The following NRCAM variants were observed in gnomAD, a reference collection of about 807,000 sequenced individuals.
NRCAM encodes the protein neuronal cell adhesion molecule, also known as NgCAM-related cell adhesion molecule.
A neutral mutation model predicts 156.5 loss-of-function variants in NRCAM; 83 were observed. That is an observed-to-expected ratio of 0.53 (90% confidence interval 0.44 to 0.64). The LOEUF is 0.64. NRCAM is among the 30% of genes least tolerant of loss of function. The pLI is 0.00. For synonymous variants in NRCAM, 538 were observed against 563.9 expected (o/e 0.95, Z 0.65); for missense variants, 1,417 against 1,597.3 (o/e 0.89, Z 1.92).
At chr7:108,362,181 G>C (rs2099556863) in intron 2 of NRCAM, among the ~76,000 whole-genome samples, 1 of 152,150 alleles carries the variant, frequency 6.6e-6, no homozygotes, top group Non-Finnish European at 1.5e-5. Flanking sequence ...CCAGATCAAA[G>C]CCTGGCAGAT....
chr7:108,452,414 G>C (rs1018219313), intron 1 of NRCAM, among the ~76,000 whole-genome samples: 2 of 152,048 alleles, frequency 1.3e-5, no homozygotes, highest in Non-Finnish European at 2.9e-5. Flanking sequence ...GCTGTGGGGG[G>C]GGGAAGAAAC....
intron 32 of NRCAM, chr7:108,156,512 G>A: frequency 2.8e-6 from 2 of 707,946 alleles, no homozygotes; most frequent in Non-Finnish European, 3.5e-6. Context: ...ACTGCTTGGG[G>A]GTGGGTGTCA....
At chr7:108,301,001 C>A (rs2098599831) in intron 3 of NRCAM, among the ~76,000 whole-genome samples, 1 of 151,836 alleles carries the variant, frequency 6.6e-6, no homozygotes. Context: ...AAACAGCAAA[C>A]TACACAACAT....
At chr7:108,366,821 C>G (rs1285187499) in intron 2 of NRCAM, among the ~76,000 whole-genome samples, 3 of 152,154 alleles carry the variant, frequency 2.0e-5, no homozygotes, top group Non-Finnish European at 4.4e-5. Flanking sequence ...TTTGACTACA[C>G]CATACTATAT....
chr7:108,386,829 T>C (rs1359249000), intron 2 of NRCAM, among the ~76,000 whole-genome samples: 3 of 152,136 alleles, frequency 2.0e-5, no homozygotes, highest in Non-Finnish European at 2.9e-5. Context: ...TTTGAATTTC[T>C]AGGAGGTATC....
intron 3 of NRCAM, among the ~76,000 whole-genome samples, chr7:108,278,479 C>T (rs2097729871): frequency 6.6e-6 from 1 of 152,208 alleles, no homozygotes; most frequent in African/African-American, 2.4e-5. Flanking sequence ...ACGCCCCTCC[C>T]CGCACCAAGC....
intron 2 of NRCAM, among the ~76,000 whole-genome samples, chr7:108,352,084 CA>C (rs2099417006): frequency 6.6e-6 from 1 of 152,150 alleles, no homozygotes; most frequent in Non-Finnish European, 1.5e-5. Context: ...CACCATTATA[CA>C]AAGTATTATT....
intron 1 of NRCAM, among the ~76,000 whole-genome samples, chr7:108,447,413 G>A (rs976514761): frequency 1.6e-4 from 25 of 151,576 alleles, no homozygotes; most frequent in Admixed American, 2.6e-4. Context: ...TTACAGGCAC[G>A]CACCACCATG....
At chr7:108,433,533 G>T (rs750424470) in intron 1 of NRCAM, among the ~76,000 whole-genome samples, 32 of 152,192 alleles carry the variant, frequency 2.1e-4, no homozygotes, top group Non-Finnish European at 2.4e-4. Context: ...CTAAAGGAAG[G>T]TTTCTGGGTC....
In NRCAM at chr7:108,194,320, C is replaced by T. The variant is rs200991017; in HGVS notation, c.1572G>A (p.Thr524=). ...VAQKDSTGTY[T]CVARNKLGMA... ...TCCCTAATTTATTCCTTGCAACACA[C>T]GTATAAGTTCCTGTACTGTCCTTTT... Residue 524 remains threonine, a synonymous_variant, in exon 16 of 33, where the codon ACG becomes ACA. Transcript: ENST00000379028. The T allele has an allele frequency of 6.0e-5, 97 of 1,613,572 alleles. 1 individual carries two copies. Among genetic ancestry groups the T allele is most frequent in the Middle Eastern group, 3.3e-4 (2 of 6,084 alleles).
intron 2 of NRCAM, among the ~76,000 whole-genome samples, chr7:108,342,167 T>C (rs1253245270): frequency 6.6e-6 from 1 of 152,212 alleles, no homozygotes; most frequent in South Asian, 2.1e-4. Flanking sequence ...TGTCCTTCAG[T>C]AAGTGAATGA....
intron 14 of NRCAM, among the ~76,000 whole-genome samples, chr7:108,196,079 A>T (rs402029): frequency 0.8 from 121,814 of 152,114 alleles, 48,905 homozygotes; most frequent in East Asian, 0.88. Flanking sequence ...CTGCCCTACT[A>T]CTTGCTCAGA....
chr7:108,354,755 G>A (rs1055881830), intron 2 of NRCAM, among the ~76,000 whole-genome samples: 24 of 152,220 alleles, frequency 1.6e-4, no homozygotes, highest in African/African-American at 5.1e-4. Flanking sequence ...TTAGCTGGGC[G>A]TGGTGGTGGG....
chr7:108,258,760 A>T (rs550719590), intron 3 of NRCAM, among the ~76,000 whole-genome samples: 1 of 152,306 alleles, frequency 6.6e-6, no homozygotes, highest in South Asian at 2.1e-4. Context: ...GACCCTTAGT[A>T]AATGGTGACA....
At chr7:108,432,260 A>G (rs1009413199) in intron 1 of NRCAM, among the ~76,000 whole-genome samples, 8 of 152,244 alleles carry the variant, frequency 5.3e-5, no homozygotes, top group African/African-American at 1.7e-4. Flanking sequence ...TTGATCCTTT[A>G]ATATGGATTA....
At chr7:108,155,953 T>C (rs1009890987) in intron 32 of NRCAM, among the ~76,000 whole-genome samples, 2 of 152,098 alleles carry the variant, frequency 1.3e-5, no homozygotes, top group African/African-American at 4.8e-5. Flanking sequence ...TGTGCACATC[T>C]GTTAAATCCT....
intron 14 of NRCAM, 126 bp from the exon 15 acceptor site, chr7:108,195,998 T>C (rs1021081341): frequency 5.2e-5 from 35 of 675,462 alleles, no homozygotes; most frequent in Non-Finnish European, 8.0e-5. Context: ...TCTCTCTCCT[T>C]ATGTTCTCTA....
chr7:108,211,696 T>C (rs1428109514), intron 11 of NRCAM, among the ~76,000 whole-genome samples: 9 of 151,942 alleles, frequency 5.9e-5, no homozygotes, highest in Admixed American at 5.9e-4. Context: ...TCCTCCTAGG[T>C]ACACAACTCC....
intron 3 of NRCAM, among the ~76,000 whole-genome samples, chr7:108,287,983 G>C (rs558374259): frequency 6.6e-6 from 1 of 152,184 alleles, no homozygotes; most frequent in South Asian, 2.1e-4. Context: ...TCCATCAATG[G>C]ATTGGATTTA....
Sources: allele counts gnomAD v4.1 joint callset (sites outside exome capture counted in the v4.1 genomes callset), GRCh38; gene constraint gnomAD v4.1.1; transcripts MANE v1.5; gene names NCBI Gene and HGNC (gene_info 2026-07-23, HGNC 2026-07-21).